The following NCF2 variants were observed in gnomAD, a reference collection of about 807,000 sequenced individuals.
The protein encoded by NCF2 is neutrophil cytosol factor 2.
In NCF2, 45 loss-of-function variants were observed where a neutral mutation model predicts 70.9. That is an observed-to-expected ratio of 0.63 (90% CI 0.50 to 0.81). The LOEUF (loss-of-function observed/expected upper bound fraction) is 0.81. NCF2 is among the 40% of genes least tolerant of loss of function. The pLI is 0.00. For synonymous variants in NCF2, 203 were observed against 233.6 expected, an observed-to-expected ratio of 0.87 and a Z score of 1.19; for missense variants, 522 against 631.6, an observed-to-expected ratio of 0.83 and a Z score of 1.86.
At chr1:183,562,717 C>A (rs575834391) in intron 13 of NCF2, among the ~76,000 whole-genome samples, 26 of 151,848 alleles carry the variant, frequency 1.7e-4, no homozygotes, top group African/African-American at 6.0e-4. Context: ...CCTGTAATCC[C>A]AGCTACTCAG....
the NCF2 span, among the ~76,000 whole-genome samples, chr1:183,600,541 T>C: frequency 6.6e-6 from 1 of 152,192 alleles, no homozygotes; most frequent in Admixed American, 6.5e-5. Flanking sequence ...AACTGACCAG[T>C]GTTCCCATCC....
At chr1:183,579,764 A>AAGG (rs1672975527) in intron 2 of NCF2, among the ~76,000 whole-genome samples, 1 of 148,712 alleles carries the variant, frequency 6.7e-6, no homozygotes, top group Non-Finnish European at 1.5e-5. Flanking sequence ...AAAAAAAAAA[A>AAGG]GAGAATAATA....
upstream of NCF2, among the ~76,000 whole-genome samples, chr1:183,594,815 C>G (rs1037883430): frequency 2.6e-5 from 4 of 152,072 alleles, no homozygotes; most frequent in Non-Finnish European, 4.4e-5. Flanking sequence ...AGGAAGAAGC[C>G]TGTAAAATCA....
At chr1:183,569,015 C>G (rs1463483034) in intron 7 of NCF2, 127 bp downstream of exon 7, 10 of 881,542 alleles carry the variant, frequency 1.1e-5, no homozygotes, top group Non-Finnish European at 1.7e-5. Context: ...TAGAAGAAGC[C>G]TGACATTCCA....
Position 183,587,127 on chromosome 1 carries a change from G to A in NCF2, c.175-150C>T, listed in dbSNP as rs547848140. On this transcript the variant is annotated intron_variant, in intron 1 of 14. Coordinates refer to ENST00000367535, the MANE Select transcript of NCF2 (RefSeq NM_000433.4). The stretch of plus-strand genomic sequence containing the variant: ...CTCGAGGCCCACCCTGTGCTCTCAC[G>A]GTGCACCCCACTTCGCTCTCACATT... 9.3e-5 allele frequency: 72 copies of A among 776,100 alleles called. 2 individuals are homozygous for A. The highest frequency in any genetic ancestry group is 6.9e-4 in the South Asian group (51 of 73,910). The allele number at this position is 776,100 out of a possible 1,614,324, so 48.1% of individuals were successfully genotyped here.
intron 6 of NCF2, among the ~76,000 whole-genome samples, chr1:183,570,464 T>C (rs1672494376): frequency 6.6e-6 from 1 of 152,256 alleles, no homozygotes; most frequent in African/African-American, 2.4e-5. Flanking sequence ...AGCTTGTGTT[T>C]CAGCTTCCTG....
At chr1:183,582,089 G>A (rs1673143822) in intron 2 of NCF2, among the ~76,000 whole-genome samples, 1 of 152,202 alleles carries the variant, frequency 6.6e-6, no homozygotes, top group Non-Finnish European at 1.5e-5. Context: ...AGCCCTGAAG[G>A]GGGTTCCGCT....
chr1:183,599,452 T>TTCTTTCTTTC, the NCF2 span, among the ~76,000 whole-genome samples: 77 of 133,556 alleles, frequency 5.8e-4, no homozygotes, highest in African/African-American at 2.1e-3. Context: ...CTTTCTTTCT[T>TTCTTTCTTTC]TCTTTCTTTC....
Position 183,586,274 on chromosome 1 carries a change from C to T in NCF2, c.257+621G>A, listed in dbSNP as rs533997069. ...GCTTGAGCCTGGGAGGCGGAGGCTG[C>T]GGTGAGCTGAGATCGAGCCCTTGCA... On this transcript the variant is annotated intron_variant, in intron 2 of 14. Coordinates refer to ENST00000367535, the MANE Select transcript of NCF2 (RefSeq NM_000433.4). Among the ~76,000 whole-genome samples, 4 of 152,286 alleles carry T rather than the reference C, an allele frequency of 2.6e-5. No homozygotes were observed. The South Asian group carries it at 6.2e-4, about 24-fold the overall frequency.
Position 183,577,062 on chromosome 1 carries a change from G to T in NCF2, c.366+537C>A, listed in dbSNP as rs74430255. On this transcript the variant is annotated intron_variant, in intron 3 of 14. Coordinates refer to ENST00000367535, the MANE Select transcript of NCF2 (RefSeq NM_000433.4). The stretch of plus-strand genomic sequence containing the variant: ...TTGAGCTGTTCTTTGAGCAAGAGGG[G>T]ACAGATTTATGCCAAATTATCCTCA... 1.2e-3 allele frequency among the ~76,000 whole-genome samples: 179 copies of T among 152,296 alleles called. 2 individuals are homozygous for T. In the East Asian group the frequency reaches 0.03, roughly 25 times the overall value.
intron 14 of NCF2, among the ~76,000 whole-genome samples, chr1:183,559,718 G>A (rs2102874722): frequency 6.6e-6 from 1 of 152,298 alleles, no homozygotes; most frequent in East Asian, 1.9e-4. Flanking sequence ...AATTAGCTAG[G>A]CATGGTGGTG....
chr1:183,587,594 T>TAAA (rs1558107521), intron 1 of NCF2, among the ~76,000 whole-genome samples: 2 of 14,154 alleles, frequency 1.4e-4, no homozygotes, highest in African/African-American at 2.2e-4. Context: ...GCACCCTGTC[T>TAAA]CAAAAAAAAA....
At chr1:183,573,100 AC>A in intron 5 of NCF2, 84 bp downstream of exon 5, 1 of 1,222,036 alleles carries the variant, frequency 8.2e-7, no homozygotes, top group Non-Finnish European at 1.2e-6. Context: ...CAAGGAGGCT[AC>A]CCTCTTCTCA....
intron 2 of NCF2, among the ~76,000 whole-genome samples, chr1:183,582,219 AGCCCTTC>A (rs1295650145): frequency 6.6e-6 from 1 of 152,196 alleles, no homozygotes; most frequent in Non-Finnish European, 1.5e-5. Flanking sequence ...GCCTCCCTCT[AGCCCTTC>A]TTCAGCGGTT....
intron 14 of NCF2, among the ~76,000 whole-genome samples, chr1:183,557,950 C>G (rs1348170261): frequency 6.6e-6 from 1 of 152,132 alleles, no homozygotes; most frequent in Non-Finnish European, 1.5e-5. Flanking sequence ...TCTTGACTCA[C>G]TGCAAGCTCC....
intron 13 of NCF2, 129 bp from the exon 14 acceptor site, chr1:183,560,402 C>T (rs1434323769): frequency 9.4e-7 from 1 of 1,059,122 alleles, no homozygotes; most frequent in Non-Finnish European, 1.4e-6. Context: ...TGATCAGTGC[C>T]TTGTGTAGAG....
intron 10 of NCF2, among the ~76,000 whole-genome samples, 195 bp from the exon 11 acceptor site, chr1:183,564,225 A>AGGT (rs1672206774): frequency 6.6e-6 from 1 of 152,180 alleles, no homozygotes; most frequent in Admixed American, 6.5e-5. Flanking sequence ...TCATGAACAC[A>AGGT]TGAACAAACT....
At chr1:183,588,219 C>A (rs1040338011) in intron 1 of NCF2, among the ~76,000 whole-genome samples, 1 of 152,140 alleles carries the variant, frequency 6.6e-6, no homozygotes, top group Non-Finnish European at 1.5e-5. Context: ...TCCTATCCAA[C>A]ACAACAGAGC....
rs771700890 is a variant in NCF2, at chr1:183,573,161, G to A, written c.609+24C>T. ...ATGGCCCGGGCCACAGGAGACTCAG[G>A]GGAAGCTGAGCAATCCCACCTACCG... On this transcript the variant is annotated intron_variant, in intron 5 of 14. Coordinates refer to ENST00000367535, the MANE Select transcript of NCF2 (RefSeq NM_000433.4). 3.7e-6 allele frequency: 6 copies of A among 1,606,826 alleles called. No homozygotes were observed. The South Asian group carries it at 6.6e-5, about 18-fold the overall frequency.
Sources: gnomAD v4.1 joint callset for allele counts (sites outside exome capture counted in the v4.1 genomes callset) on GRCh38, gnomAD v4.1.1 for gene constraint, MANE v1.5 for transcripts, NCBI Gene and HGNC (gene_info 2026-07-23, HGNC 2026-07-21) for gene names.